The following SMG6 variants were observed in gnomAD, a reference collection of about 807,000 sequenced individuals.
The protein encoded by SMG6 is telomerase-binding protein EST1A.
Under a neutral mutation model 142.2 loss-of-function variants are expected in SMG6, and 66 were observed. The ratio of observed to expected loss-of-function variants is 0.46; its 90% CI spans 0.38 to 0.57. The LOEUF (loss-of-function observed/expected upper bound fraction) is 0.57. Among genes scored for constraint, SMG6 ranks in the 20% least tolerant of loss-of-function variants. The pLI is 0.00. For synonymous variants in SMG6, 779 were observed against 702.4 expected (o/e 1.11, Z -1.72); for missense variants, 1,793 against 1,832.0 (o/e 0.98, Z 0.39).
intron 4 of SMG6, among the ~76,000 whole-genome samples, chr17:2,294,879 C>CT (rs35762226): frequency 3.8e-4 from 55 of 146,636 alleles, no homozygotes; most frequent in African/African-American, 7.3e-4. Flanking sequence ...TCAATAAACA[C>CT]TTTTTTTTTT....
chr17:2,071,268 T>C lies in SMG6; in HGVS notation c.3682-2337A>G, dbSNP rs976511737. Among the ~76,000 whole-genome samples, 20 of 152,184 alleles carry C rather than the reference T, an allele frequency of 1.3e-4. No homozygotes were observed. Among genetic ancestry groups the C allele is most frequent in the Non-Finnish European group, 1.3e-4 (9 of 68,030 alleles). On this transcript the variant is annotated intron_variant, in intron 15 of 18. Coordinates refer to ENST00000263073, the MANE Select transcript of SMG6 (RefSeq NM_017575.5). This position sits in a 1 kb window ranked among gnomAD's most constrained non-coding sequence, Gnocchi z 5.6. ...TATCAAGGAAGTGGCTGCCATTTTTTTTTTTACCCTATGTGAACAGTCAGC... is the reference window on the plus strand; with the variant it reads ...TATCAAGGAAGTGGCTGCCATTTTTCTTTTTACCCTATGTGAACAGTCAGC...
At chr17:2,232,853 C>T (rs1022607208) in intron 10 of SMG6, 1 of 152,198 alleles carries the variant, frequency 6.6e-6, no homozygotes, top group African/African-American at 2.4e-5. Context: ...CCTCCAAGAG[C>T]AGAGTGGGCT....
chr17:2,196,738 A>C (rs2072340662), intron 10 of SMG6, among the ~76,000 whole-genome samples: 1 of 152,040 alleles, frequency 6.6e-6, no homozygotes, highest in Non-Finnish European at 1.5e-5. Flanking sequence ...ATGTTAAGTT[A>C]ATGAAGAAAG....
intron 8 of SMG6, among the ~76,000 whole-genome samples, chr17:2,260,738 T>G (rs2074291791): frequency 6.6e-6 from 1 of 152,196 alleles, no homozygotes; most frequent in Non-Finnish European, 1.5e-5. Context: ...CTCATGCCTG[T>G]AATCCCAGCA....
chr17:2,158,830 T>C, intron 13 of SMG6, among the ~76,000 whole-genome samples: 1 of 130,620 alleles, frequency 7.7e-6, no homozygotes, highest in African/African-American at 3.0e-5. Context: ...GGTGGGAGGA[T>C]CCCTTGGGAA....
chr17:2,089,495 C>A (rs1186732725), intron 13 of SMG6, among the ~76,000 whole-genome samples: 1 of 152,152 alleles, frequency 6.6e-6, no homozygotes, highest in Non-Finnish European at 1.5e-5. Context: ...ACATACAAAT[C>A]ATTTCAATCA....
chr17:2,280,325 C>T (rs1354364618), intron 8 of SMG6, among the ~76,000 whole-genome samples: 3 of 152,028 alleles, frequency 2.0e-5, no homozygotes, highest in South Asian at 2.1e-4. Flanking sequence ...TGCAGTGGCA[C>T]GATCTCGGCT....
At chr17:2,080,694 G>A (rs898610267) in intron 15 of SMG6, among the ~76,000 whole-genome samples, 3 of 150,858 alleles carry the variant, frequency 2.0e-5, no homozygotes, top group Non-Finnish European at 4.4e-5. Flanking sequence ...GGAGTGCAAT[G>A]GTGCAAGATT....
chr17:2,253,051 C>G (rs2074082530), intron 8 of SMG6, among the ~76,000 whole-genome samples: 1 of 152,024 alleles, frequency 6.6e-6, no homozygotes, highest in East Asian at 1.9e-4. Flanking sequence ...GGCTGCTTTC[C>G]CCCTACAAAG....
chr17:2,151,875 G>A (rs1366462743), intron 13 of SMG6, among the ~76,000 whole-genome samples: 2 of 152,200 alleles, frequency 1.3e-5, no homozygotes, highest in Non-Finnish European at 2.9e-5. Flanking sequence ...GCTTCTCATG[G>A]CAGAACCCTG....
At chr17:2,101,563 C>T (rs1327548804) in intron 13 of SMG6, 1 of 152,322 alleles carries the variant, frequency 6.6e-6, no homozygotes, top group East Asian at 1.9e-4. Flanking sequence ...ATGACTTCCT[C>T]ATTCAAGGTT....
At chr17:2,204,260 G>T (rs2072615123) in intron 10 of SMG6, among the ~76,000 whole-genome samples, 2 of 152,198 alleles carry the variant, frequency 1.3e-5, no homozygotes, top group African/African-American at 4.8e-5. Context: ...AGCTTTTTCA[G>T]GAAGCTTCCA....
intron 13 of SMG6, among the ~76,000 whole-genome samples, chr17:2,121,554 C>T (rs2069690054): frequency 7.3e-6 from 1 of 136,932 alleles, no homozygotes; most frequent in South Asian, 2.4e-4. Flanking sequence ...TATATACACA[C>T]ACACACATAT....
At chr17:2,139,571 G>A (rs1346592810) in intron 13 of SMG6, among the ~76,000 whole-genome samples, 5 of 151,914 alleles carry the variant, frequency 3.3e-5, no homozygotes, top group South Asian at 2.1e-4. Context: ...ACAGGCGTGC[G>A]CCACCATGCC....
At chr17:2,066,895 G>A (rs1465776506) in intron 16 of SMG6, among the ~76,000 whole-genome samples, 1 of 152,328 alleles carries the variant, frequency 6.6e-6, no homozygotes, top group South Asian at 2.1e-4. Context: ...TGCACCAGGC[G>A]GGGCTTCTCC....
chr17:2,092,646 C>T lies in SMG6; in HGVS notation c.3358-6745G>A, dbSNP rs575322476. Among the ~76,000 whole-genome samples the T allele has an allele frequency of 3.3e-5, 5 of 152,326 alleles. No individual in the cohort carries two copies. The South Asian group carries it at 8.3e-4, about 25-fold the overall frequency. ...GCTACTAGGAAGGAGACGATGTTCACACTGAAGGGAGAACCAGGGGAACAG... is the reference window on the plus strand; with the variant it reads ...GCTACTAGGAAGGAGACGATGTTCATACTGAAGGGAGAACCAGGGGAACAG... On this transcript the variant is annotated intron_variant, in intron 13 of 18. Coordinates refer to ENST00000263073, the MANE Select transcript of SMG6 (RefSeq NM_017575.5).
chr17:2,249,599 C>A (rs373887316), intron 8 of SMG6, among the ~76,000 whole-genome samples: 5 of 152,322 alleles, frequency 3.3e-5, no homozygotes, highest in East Asian at 3.9e-4. Context: ...GCTCAGATCA[C>A]AGGCGTGAGC....
chr17:2,133,678 C>G (rs925566943), intron 13 of SMG6, among the ~76,000 whole-genome samples: 2 of 152,196 alleles, frequency 1.3e-5, no homozygotes, highest in African/African-American at 4.8e-5. Flanking sequence ...GCTAGGATTA[C>G]AGGTACGTGC....
chr17:2,281,869 G>A (rs187454742), intron 8 of SMG6, among the ~76,000 whole-genome samples: 184 of 152,246 alleles, frequency 1.2e-3, no homozygotes, highest in Middle Eastern at 6.8e-3. Flanking sequence ...CTTTGCATAT[G>A]CTATTTCCTT....
Sources: gnomAD v4.1 joint callset for allele counts (sites outside exome capture counted in the v4.1 genomes callset) on GRCh38, gnomAD v4.1.1 for gene constraint, Gnocchi (gnomAD v3.1) non-coding constraint, MANE v1.5 for transcripts, NCBI Gene and HGNC (gene_info 2026-07-23, HGNC 2026-07-21) for gene names.